The following DYNC1I1 variants were observed in gnomAD, a reference collection of about 807,000 sequenced individuals.
DYNC1I1 encodes the protein dynein cytoplasmic 1 intermediate chain 1.
In DYNC1I1, 43 loss-of-function variants were observed where a neutral mutation model predicts 86.6. That is an observed-to-expected ratio of 0.50 (90% CI 0.39 to 0.64). The LOEUF is 0.64. Among genes scored for constraint, DYNC1I1 ranks in the 30% least tolerant of loss-of-function variants. The pLI is 0.00. For synonymous variants in DYNC1I1, 262 were observed against 283.7 expected, an observed-to-expected ratio of 0.92 and a Z score of 0.77; for missense variants, 604 against 788.8, an observed-to-expected ratio of 0.77 and a Z score of 2.81.
chr7:95,923,773 C>T (rs1376728034), intron 6 of DYNC1I1, among the ~76,000 whole-genome samples: 1 of 152,062 alleles, frequency 6.6e-6, no homozygotes, highest in Non-Finnish European at 1.5e-5. Context: ...AAGATGCACC[C>T]ATTCAGAAAT....
chr7:96,023,826 A>T (rs1794612493), intron 10 of DYNC1I1, among the ~76,000 whole-genome samples: 1 of 152,226 alleles, frequency 6.6e-6, no homozygotes, highest in Non-Finnish European at 1.5e-5. Context: ...CTGTTTTCTC[A>T]GGAGCCTCTG....
In DYNC1I1 at chr7:95,906,290, C is replaced by T. The variant is rs73390901; in HGVS notation, c.490+36292C>T. Among the ~76,000 whole-genome samples the T allele has an allele frequency of 9.5e-3, 1,444 of 152,244 alleles. 23 individuals carry two copies. Among genetic ancestry groups the T allele is most frequent in the African/African-American group, 0.034 (1,408 of 41,534 alleles). On this transcript the variant is annotated intron_variant, in intron 6 of 16. Transcript: ENST00000447467. The stretch of plus-strand genomic sequence containing the variant: ...TGACCTTGGGCAAGTTACTTAATCC[C>T]CTTGAGCTACGGTTTCTGCATCTAG...
At chr7:95,805,539 G>A (rs1412490555) in intron 2 of DYNC1I1, among the ~76,000 whole-genome samples, 1 of 152,100 alleles carries the variant, frequency 6.6e-6, no homozygotes, top group East Asian at 1.9e-4. Flanking sequence ...GAGACCCAGA[G>A]GTGAAATGTA....
At chr7:95,873,304 T>C in intron 6 of DYNC1I1, among the ~76,000 whole-genome samples, 1 of 152,156 alleles carries the variant, frequency 6.6e-6, no homozygotes, top group East Asian at 1.9e-4. Flanking sequence ...TGATTTGCCA[T>C]AGACACTTGG....
intron 5 of DYNC1I1, among the ~76,000 whole-genome samples, chr7:95,842,220 G>A (rs1274576378): frequency 6.6e-6 from 1 of 152,166 alleles, no homozygotes; most frequent in East Asian, 1.9e-4. Flanking sequence ...CAAATTAAGA[G>A]TCCTTTATTA....
At chr7:95,975,925 C>T (rs749122293) in intron 6 of DYNC1I1, among the ~76,000 whole-genome samples, 5 of 152,088 alleles carry the variant, frequency 3.3e-5, no homozygotes, top group East Asian at 1.9e-4. Context: ...TACGTCATGT[C>T]GAGATGGATA....
intron 14 of DYNC1I1, among the ~76,000 whole-genome samples, chr7:96,075,255 G>A (rs915547506): frequency 1.8e-4 from 28 of 152,166 alleles, no homozygotes; most frequent in Non-Finnish European, 2.4e-4. Flanking sequence ...TGGAGTGGAA[G>A]CATTTGTATG....
intron 6 of DYNC1I1, among the ~76,000 whole-genome samples, chr7:95,940,136 T>C (rs1481029993): frequency 6.6e-6 from 1 of 152,240 alleles, no homozygotes; most frequent in Non-Finnish European, 1.5e-5. Context: ...CCCACTCTCT[T>C]CTGGCTTGCA....
At chr7:95,923,063 T>C (rs775648770) in intron 6 of DYNC1I1, among the ~76,000 whole-genome samples, 3 of 152,112 alleles carry the variant, frequency 2.0e-5, no homozygotes, top group African/African-American at 4.8e-5. Flanking sequence ...TCAGGGACCT[T>C]CTGTTTTCAT....
chr7:96,008,198 A>G (rs1352463352), intron 10 of DYNC1I1, among the ~76,000 whole-genome samples: 2 of 152,028 alleles, frequency 1.3e-5, no homozygotes, highest in Non-Finnish European at 2.9e-5. Flanking sequence ...TCTTGTTACC[A>G]TTTTCTGCTG....
chr7:95,912,842 G>T (rs1791374019), intron 6 of DYNC1I1, among the ~76,000 whole-genome samples: 2 of 152,290 alleles, frequency 1.3e-5, no homozygotes, highest in East Asian at 3.9e-4. Flanking sequence ...CACCTCAAAG[G>T]CAGGAGATTG....
At chr7:95,994,368 G>A (rs144794939) in intron 9 of DYNC1I1, among the ~76,000 whole-genome samples, 124 of 152,254 alleles carry the variant, frequency 8.1e-4, no homozygotes, top group Middle Eastern at 3.4e-3. Context: ...GCTTTAATTG[G>A]CAGGACAGAC....
chr7:95,970,517 A>G lies in DYNC1I1; in HGVS notation c.491-6995A>G, dbSNP rs1345741951. Among the ~76,000 whole-genome samples the G allele has an allele frequency of 5.3e-5, 8 of 152,216 alleles. No homozygotes were observed. The East Asian group carries it at 1.2e-3, about 22-fold the overall frequency. On this transcript the variant is annotated intron_variant, in intron 6 of 16. Transcript: ENST00000447467. ...AGAGAGAAGTGTGGCTTTAAAAGCCATATCTAGCATCAGCAGTGCCTTGGA... is the reference window on the plus strand; with the variant it reads ...AGAGAGAAGTGTGGCTTTAAAAGCCGTATCTAGCATCAGCAGTGCCTTGGA...
At chr7:95,851,673 C>CT (rs555207587) in intron 5 of DYNC1I1, among the ~76,000 whole-genome samples, 4 of 151,632 alleles carry the variant, frequency 2.6e-5, no homozygotes, top group Non-Finnish European at 5.9e-5. Context: ...CTATAGTCTT[C>CT]TTTTTTTTAG....
intron 6 of DYNC1I1, among the ~76,000 whole-genome samples, chr7:95,944,124 A>T (rs1052102245): frequency 6.6e-5 from 10 of 152,256 alleles, no homozygotes; most frequent in Admixed American, 6.5e-4. Flanking sequence ...CAACCTACTC[A>T]TCTGACAAAG....
At chr7:95,962,040 T>G (rs1792884770) in intron 6 of DYNC1I1, among the ~76,000 whole-genome samples, 2 of 152,210 alleles carry the variant, frequency 1.3e-5, no homozygotes, top group Admixed American at 1.3e-4. Flanking sequence ...GACATTGGTC[T>G]GAGAGCTGAG....
intron 6 of DYNC1I1, among the ~76,000 whole-genome samples, chr7:95,889,669 G>A (rs1185155698): frequency 6.6e-6 from 1 of 152,086 alleles, no homozygotes; most frequent in Admixed American, 6.6e-5. Context: ...CAGAATGAGA[G>A]AAAATATTTG....
chr7:95,813,093 C>CTTTT (rs11452827), intron 3 of DYNC1I1, 154 bp from the exon 4 acceptor site: 134 of 1,114,242 alleles, frequency 1.2e-4, no homozygotes, highest in South Asian at 3.7e-4. Context: ...CTTTTCTTTC[C>CTTTT]TTTTTTTTTT....
intron 14 of DYNC1I1, among the ~76,000 whole-genome samples, chr7:96,072,092 A>G (rs7796192): frequency 0.24 from 36,551 of 152,128 alleles, 4,628 homozygotes; most frequent in East Asian, 0.34. Context: ...CAGAGATTTT[A>G]TGCGGATTAA....
Sources: allele counts gnomAD v4.1 joint callset (sites outside exome capture counted in the v4.1 genomes callset), GRCh38; gene constraint gnomAD v4.1.1; transcripts MANE v1.5; gene names NCBI Gene and HGNC (gene_info 2026-07-23, HGNC 2026-07-21).